AHSA1: variants seen among roughly 807,000 people sequenced by gnomAD.
AHSA1 encodes activator of HSP90 ATPase activity 1.
In AHSA1, 14 loss-of-function variants were observed where a neutral mutation model predicts 46.1. The ratio of observed to expected loss-of-function variants is 0.30; its 90% CI spans 0.20 to 0.47. AHSA1 has a LOEUF of 0.47. AHSA1 is among the 20% of genes least tolerant of loss of function. The pLI is 0.99. For missense variants in AHSA1, 333 were observed against 415.9 expected (o/e 0.80, Z 1.73); for synonymous variants, 147 against 145.8 (o/e 1.01, Z -0.06).
At chr14:77,463,006 G>A (rs1023378025) in intron 4 of AHSA1, 75 of 383,084 alleles carry the variant, frequency 2.0e-4, no homozygotes, top group Admixed American at 6.4e-4. Flanking sequence ...ATGGCCTGGC[G>A]CGGTGGCTCA....
At chr14:77,462,013 G>A (rs2079027570) in intron 2 of AHSA1, 147 bp from the exon 3 acceptor site, 1 of 583,312 alleles carries the variant, frequency 1.7e-6, no homozygotes, top group Non-Finnish European at 3.0e-6. Context: ...TGCGGGTGTT[G>A]ATTGCATCTG....
At chr14:77,461,616 A>G (rs2139938500) in intron 2 of AHSA1, among the ~76,000 whole-genome samples, 1 of 152,288 alleles carries the variant, frequency 6.6e-6, no homozygotes, top group South Asian at 2.1e-4. Flanking sequence ...AATCAGAGGG[A>G]ACATTACACT....
Position 77,459,764 on chromosome 14 carries a change from C to T in AHSA1, c.229C>T (p.Leu77Phe), listed in dbSNP as rs774865415. The T allele has an allele frequency of 1.2e-6, 2 of 1,614,054 alleles. No homozygotes were observed. ...EASINNRKGK[L>F]IFFYEWSVKL... ...ATCCATTAACAATCGCAAAGGGAAA[C>T]TTATCTTCTTTTATGAATGGAGCGT... is the stretch of plus-strand genomic sequence containing the variant. Residue 77 changes from leucine (L) to phenylalanine (F), a missense_variant, in exon 2 of 9, where the codon CTT becomes TTT. Transcript: ENST00000216479.
chr14:77,468,342 C>A, intron 7 of AHSA1, 115 bp from the exon 8 acceptor site: 4 of 1,210,632 alleles, frequency 3.3e-6, no homozygotes, highest in Admixed American at 2.1e-5. Flanking sequence ...AACTGTCTTG[C>A]AAGTAATATA....
In AHSA1 at chr14:77,469,095, C is replaced by T. The variant is rs1299068480; in HGVS notation, c.863C>T (p.Thr288Ile). 1 of 1,614,178 alleles carries T rather than the reference C, an allele frequency of 6.2e-7. No individual in the cohort carries two copies. Among genetic ancestry groups the T allele is most frequent in the Non-Finnish European group, 8.5e-7 (1 of 1,180,024 alleles). ...TTCCCAGGACACTTTGCCACCATCA[C>T]CTTGACCTTCATCGACAAGAACGGA... is the stretch of plus-strand genomic sequence containing the variant. ...SWPEGHFATI[T>I]LTFIDKNGET... Residue 288 changes from threonine to isoleucine, a missense_variant, in exon 9 of 9, where the codon ACC becomes ATC. By Grantham distance (89) the Thr-to-Ile change is moderately conservative. Transcript: ENST00000216479.
At chr14:77,465,474 G>A (rs1483003787) in intron 5 of AHSA1, 65 bp from the exon 6 acceptor site, 17 of 1,560,958 alleles carry the variant, frequency 1.1e-5, no homozygotes, top group African/African-American at 2.7e-5. Flanking sequence ...AACTGTCTCT[G>A]AAGCCACGTT....
intron 8 of AHSA1, 173 bp downstream of exon 8, chr14:77,468,681 G>A: frequency 1.8e-6 from 1 of 547,208 alleles, no homozygotes; most frequent in Non-Finnish European, 3.2e-6. Flanking sequence ...TCCTGCTTCA[G>A]CTTCCCAAGT....
In AHSA1 at chr14:77,468,127, C is replaced by T. The variant is rs563009698; in HGVS notation, c.735C>T (p.Asp245=). ...FTHAPATLEA[D]RGGKFHMVDG... is the part of the protein sequence containing the mutation. ...ATGCTCCTGCAACATTAGAAGCAGA[C>T]AGAGGTGGAAAGTTCCACATGGTAG... Residue 245 remains aspartate, a synonymous_variant, in exon 7 of 9, where the codon GAC becomes GAT. Transcript: ENST00000216479. 1.3e-5 allele frequency: 20 copies of T among 1,533,500 alleles called. 1 individual carries two copies. In the South Asian group the frequency reaches 2.4e-4, roughly 18 times the overall value. The allele number at this position is 1,533,500 out of a possible 1,614,324, so 95.0% of individuals were successfully genotyped here. A position where few individuals can be genotyped will look rare whatever the true frequency, so the allele number is the denominator to read the frequency against.
At chr14:77,464,728 C>T (rs771711735) in intron 5 of AHSA1, 42 bp downstream of exon 5, 59 of 1,542,064 alleles carry the variant, frequency 3.8e-5, no homozygotes, top group Non-Finnish European at 5.2e-5. Context: ...TGCAAAGGAA[C>T]TTGAGAGACC....
chr14:77,462,307 A>T, intron 3 of AHSA1, 65 bp downstream of exon 3: 3 of 1,476,624 alleles, frequency 2.0e-6, no homozygotes, highest in Middle Eastern at 1.7e-4. Context: ...GAGAAAAGTG[A>T]CCTGTCATTC....
chr14:77,460,810 T>A (rs930249366), intron 2 of AHSA1, among the ~76,000 whole-genome samples: 5 of 151,934 alleles, frequency 3.3e-5, no homozygotes, highest in Non-Finnish European at 7.4e-5. Flanking sequence ...TTTTTTTTTT[T>A]AATATAGGGA....
chr14:77,462,869 G>A (rs2079031696), intron 4 of AHSA1, 110 bp downstream of exon 4: 1 of 892,674 alleles, frequency 1.1e-6, no homozygotes, highest in Non-Finnish European at 1.8e-6. Context: ...GATTTGGGGG[G>A]AGGGGGCTTA....
intron 2 of AHSA1, among the ~76,000 whole-genome samples, chr14:77,460,708 C>T (rs1034116448): frequency 6.6e-6 from 1 of 151,604 alleles, no homozygotes; most frequent in African/African-American, 2.4e-5. Context: ...ATTACAGGTG[C>T]CCGCCACCAC....
chr14:77,462,887 T>C (rs890557953), intron 4 of AHSA1, 128 bp downstream of exon 4: 1 of 753,336 alleles, frequency 1.3e-6, no homozygotes, highest in Admixed American at 2.0e-5. Context: ...TTATTTCATC[T>C]TAAAGTCAGT....
chr14:77,461,842 T>G (rs971133844), intron 2 of AHSA1, among the ~76,000 whole-genome samples: 21 of 152,232 alleles, frequency 1.4e-4, no homozygotes, highest in Admixed American at 1.4e-3. Flanking sequence ...TGAAATAAAT[T>G]GATATTTTCA....
intron 5 of AHSA1, among the ~76,000 whole-genome samples, chr14:77,465,276 T>A (rs1200587599): frequency 1.3e-5 from 2 of 152,244 alleles, no homozygotes; most frequent in African/African-American, 2.4e-5. Flanking sequence ...TTCAAAAATA[T>A]CTCAATGATT....
In AHSA1 at chr14:77,469,357, G is replaced by T; in HGVS notation, c.*108G>T. 7.1e-7 allele frequency: 1 copy of T among 1,405,544 alleles called. No homozygotes were observed. The allele number at this position is 1,405,544 out of a possible 1,614,324, so 87.1% of individuals were successfully genotyped here. On this transcript the variant is annotated 3_prime_UTR_variant, in exon 9 of 9. Transcript: ENST00000216479. Reference sequence around the variant, plus strand: ...TCGTCCCAGCTGCTAACTTGGGGCCGGGGCCCCTCCCTTCCACATATACCT... The same window carrying T: ...TCGTCCCAGCTGCTAACTTGGGGCCTGGGCCCCTCCCTTCCACATATACCT...
intron 4 of AHSA1, 148 bp downstream of exon 4, chr14:77,462,907 C>T (rs116710404): frequency 7.7e-5 from 51 of 663,420 alleles, no homozygotes; most frequent in African/African-American, 7.0e-4. Flanking sequence ...TCCATAAGCT[C>T]GGAGTAAGGG....
intron 8 of AHSA1, chr14:77,468,871 C>G (rs1223614229): frequency 4.7e-6 from 3 of 641,664 alleles, no homozygotes; most frequent in Non-Finnish European, 8.2e-6. Flanking sequence ...TGCATGCCAC[C>G]ACGCCCACGT....
Sources: gnomAD v4.1 joint callset for allele counts (sites outside exome capture counted in the v4.1 genomes callset) on GRCh38, gnomAD v4.1.1 for gene constraint, MANE v1.5 for transcripts, NCBI Gene and HGNC (gene_info 2026-07-23, HGNC 2026-07-21) for gene names.